The following CEP350 variants were observed in gnomAD, a reference collection of about 807,000 sequenced individuals.
The protein encoded by CEP350 is centrosomal protein 350.
Under a neutral mutation model 331.8 loss-of-function variants are expected in CEP350, and 126 were observed. That is an observed-to-expected ratio of 0.38 (90% CI 0.33 to 0.44). CEP350 has a LOEUF of 0.44. CEP350 is among the 20% of genes least tolerant of loss of function. CEP350 has a pLI of 1.00. For missense variants in CEP350, 3,406 were observed against 3,634.6 expected (o/e 0.94, Z 1.62); for synonymous variants, 1,200 against 1,259.5 (o/e 0.95, Z 1.00).
At chr1:180,029,672 A>G (rs1218290132) in intron 14 of CEP350, among the ~76,000 whole-genome samples, 2 of 152,164 alleles carry the variant, frequency 1.3e-5, no homozygotes, top group African/African-American at 2.4e-5. Context: ...TTCTGTCTCT[A>G]TGAATTTCAC....
chr1:180,019,570 AATCAGT>A (rs1655184256), intron 11 of CEP350, among the ~76,000 whole-genome samples: 1 of 152,202 alleles, frequency 6.6e-6, no homozygotes, highest in Admixed American at 6.5e-5. Flanking sequence ...TAAAAATTAT[AATCAGT>A]ATTGTAAGGA....
At chr1:180,046,831 A>G (rs1335182709) in intron 21 of CEP350, among the ~76,000 whole-genome samples, 3 of 152,228 alleles carry the variant, frequency 2.0e-5, no homozygotes, top group Non-Finnish European at 2.9e-5. Flanking sequence ...GCAATCTACT[A>G]CAAGTTTATT....
At chr1:180,096,677 C>T (rs1157796925) in intron 36 of CEP350, among the ~76,000 whole-genome samples, 1 of 152,116 alleles carries the variant, frequency 6.6e-6, no homozygotes, top group Admixed American at 6.5e-5. Flanking sequence ...TGGTTTTGAA[C>T]TATGTAGGAT....
chr1:180,090,957 T>G (rs1268514496), intron 33 of CEP350, among the ~76,000 whole-genome samples, 161 bp downstream of exon 33: 2 of 152,172 alleles, frequency 1.3e-5, no homozygotes, highest in African/African-American at 4.8e-5. Flanking sequence ...AAGTGATTTA[T>G]TGGCTATGTG....
At chr1:180,090,666 T>C (rs762633906) in intron 32 of CEP350, 48 bp from the exon 33 acceptor site, 1 of 1,486,596 alleles carries the variant, frequency 6.7e-7, no homozygotes, top group East Asian at 2.6e-5. Flanking sequence ...TTGTTACCAG[T>C]TATTATAGTA....
chr1:179,999,912 T>G (rs192230527), intron 6 of CEP350, among the ~76,000 whole-genome samples: 8 of 152,314 alleles, frequency 5.3e-5, no homozygotes, highest in Admixed American at 4.6e-4. Context: ...CAAATGGTGT[T>G]TATATGATTC....
At chr1:180,054,362 A>C in intron 24 of CEP350, 53 bp from the exon 25 acceptor site, 1 of 1,360,254 alleles carries the variant, frequency 7.4e-7, no homozygotes, top group Non-Finnish European at 1.0e-6. Flanking sequence ...GACATTATTC[A>C]GGTAAGAGAA....
intron 14 of CEP350, among the ~76,000 whole-genome samples, chr1:180,028,066 T>A (rs988748101): frequency 6.6e-6 from 1 of 152,250 alleles, no homozygotes; most frequent in African/African-American, 2.4e-5. Flanking sequence ...AACTGTATTT[T>A]CTTGTGAAAT....
At chr1:180,064,823 A>T (rs1658447723) in intron 26 of CEP350, among the ~76,000 whole-genome samples, 1 of 152,126 alleles carries the variant, frequency 6.6e-6, no homozygotes, top group Non-Finnish European at 1.5e-5. Context: ...CTAGATTACT[A>T]ATAGCAGAAG....
At chr1:179,961,902 G>A (rs952686200) in intron 1 of CEP350, among the ~76,000 whole-genome samples, 2 of 152,128 alleles carry the variant, frequency 1.3e-5, no homozygotes, top group African/African-American at 4.8e-5. Context: ...CTGGAGTGCA[G>A]TGGCTTGATC....
Position 180,020,502 on chromosome 1 carries a change from C to T in CEP350, c.2728C>T (p.Leu910Phe). The T allele has an allele frequency of 3.7e-6, 6 of 1,613,970 alleles. No individual in the cohort carries two copies. The highest frequency in any genetic ancestry group is 5.1e-6 in the Non-Finnish European group (6 of 1,179,892). ...ATCTCATGCAACTTTTGATGATGAT[C>T]TTCCTGGTGTAGGCAATCTTAGTGA... is the stretch of plus-strand genomic sequence containing the variant. ...CVSHATFDDD[L>F]PGVGNLSEFK... Residue 910 changes from leucine (L) to phenylalanine (F), a missense_variant, in exon 12 of 38, where the codon CTT (leucine) becomes TTT (phenylalanine). By Grantham distance (22) the Leu-to-Phe change is conservative (BLOSUM62 0). Transcript: ENST00000367607.
Position 180,033,991 on chromosome 1 carries a change from A to G in CEP350, c.3855A>G (p.Pro1285=). Residue 1285 remains proline (P), a synonymous_variant, in exon 16 of 38, where the codon CCA becomes CCG. Coordinates refer to ENST00000367607, the MANE Select transcript of CEP350 (RefSeq NM_014810.5). ...SERSKSSVMP[P]TITGFKPNAP... The stretch of plus-strand genomic sequence containing the variant: ...GATCTAAGTCGTCAGTAATGCCTCC[A>G]ACTATAACAGGATTTAAGCCTAATG... 6.2e-7 allele frequency: 1 copy of G among 1,613,912 alleles called. No individual in the cohort carries two copies. Among genetic ancestry groups the G allele is most frequent in the Non-Finnish European group, 8.5e-7 (1 of 1,179,824 alleles).
chr1:180,083,416 A>G (rs554952988), intron 30 of CEP350, among the ~76,000 whole-genome samples: 2 of 152,340 alleles, frequency 1.3e-5, no homozygotes, highest in East Asian at 3.9e-4. Flanking sequence ...GAGAGAAAAG[A>G]TTTAACTAGC....
rs1282165351 is a variant in CEP350 at position 180,041,779 on chromosome 1, G to A, written c.4339G>A (p.Asp1447Asn). The A allele has an allele frequency of 8.7e-6, 14 of 1,612,542 alleles. No homozygotes were observed. Among genetic ancestry groups the A allele is most frequent in the Middle Eastern group, 1.6e-4 (1 of 6,084 alleles). The change falls in exon 19 of 38, where the codon GAC (aspartate) becomes AAC (asparagine). Residue 1447 changes from aspartate to asparagine, a missense_variant. Coordinates refer to ENST00000367607, the MANE Select transcript of CEP350 (RefSeq NM_014810.5). ...QQSETARLTT[D>N]AARQICEMAE... Reference sequence around the variant, plus strand: ...GTCAGAAACTGCTCGCCTCACCACAGACGCAGCACGTCAAATCTGTGAGGT... The same window carrying A: ...GTCAGAAACTGCTCGCCTCACCACAAACGCAGCACGTCAAATCTGTGAGGT...
chr1:180,070,106 A>G (rs551103055), intron 27 of CEP350, among the ~76,000 whole-genome samples: 1 of 152,368 alleles, frequency 6.6e-6, no homozygotes, highest in South Asian at 2.1e-4. Flanking sequence ...ACACACATAT[A>G]TACAACTTTA....
chr1:179,964,680 A>G (rs921627513), intron 1 of CEP350, among the ~76,000 whole-genome samples: 3 of 151,586 alleles, frequency 2.0e-5, no homozygotes, highest in Admixed American at 2.0e-4. Context: ...AGATGTTCAT[A>G]GTAGTCTCTG....
At chr1:180,003,076 T>G in intron 6 of CEP350, 98 bp from the exon 7 acceptor site, 1 of 735,820 alleles carries the variant, frequency 1.4e-6, no homozygotes, top group African/African-American at 1.8e-5. Context: ...AAGAGTGAAT[T>G]TTATGTATGT....
chr1:180,047,565 T>A (rs769979134), intron 21 of CEP350, among the ~76,000 whole-genome samples: 6 of 151,750 alleles, frequency 4.0e-5, no homozygotes, highest in Admixed American at 1.3e-4. Context: ...AAGATCAGCC[T>A]GGCCAACATA....
intron 1 of CEP350, among the ~76,000 whole-genome samples, chr1:179,967,841 G>C (rs748396039): frequency 6.6e-6 from 1 of 151,862 alleles, no homozygotes; most frequent in Non-Finnish European, 1.5e-5. Flanking sequence ...ATTTTTTTAC[G>C]TGTTACCGTG....
Sources: allele counts gnomAD v4.1 joint callset (sites outside exome capture counted in the v4.1 genomes callset), GRCh38; gene constraint gnomAD v4.1.1; transcripts MANE v1.5; gene names NCBI Gene and HGNC (gene_info 2026-07-23, HGNC 2026-07-21).